Variants in CCDC85A observed in about 807,000 individuals in gnomAD.
CCDC85A encodes coiled-coil domain containing 85A.
Under a neutral mutation model 50.2 loss-of-function variants are expected in CCDC85A, and 38 were observed. The observed-to-expected ratio is 0.76, with a 90% CI of 0.58 to 0.99. CCDC85A has a LOEUF of 0.99. Ranked by LOEUF, CCDC85A falls within the 50% of genes least tolerant of loss-of-function variation. CCDC85A has a pLI of 0.00. For missense variants in CCDC85A, 820 were observed against 742.0 expected (o/e 1.11, Z -1.22); for synonymous variants, 366 against 301.4 (o/e 1.21, Z -2.22).
intron 3 of CCDC85A, among the ~76,000 whole-genome samples, chr2:56,352,164 A>T (rs1450825804): frequency 6.6e-6 from 1 of 152,300 alleles, no homozygotes. Context: ...ATAACGCATT[A>T]GTAATTTAAG....
intron 2 of CCDC85A, among the ~76,000 whole-genome samples, chr2:56,335,216 A>C (rs904750941): frequency 6.6e-5 from 10 of 152,166 alleles, no homozygotes; most frequent in African/African-American, 2.4e-4. Flanking sequence ...GAAGAAGAAA[A>C]ACACTTTGTT....
At chr2:56,298,683 G>A (rs932926232) in intron 2 of CCDC85A, among the ~76,000 whole-genome samples, 1 of 152,144 alleles carries the variant, frequency 6.6e-6, no homozygotes, top group Non-Finnish European at 1.5e-5. Flanking sequence ...CACTTAAAAT[G>A]GTTTGTGATG....
Position 56,192,902 on chromosome 2 carries a change from G to C in CCDC85A, c.702G>C (p.Pro234=). 1 of 1,611,402 alleles carries C rather than the reference G, an allele frequency of 6.2e-7. No homozygotes were observed. The highest frequency in any genetic ancestry group is 8.5e-7 in the Non-Finnish European group (1 of 1,178,214). The stretch of plus-strand genomic sequence containing the variant: ...AGCACCACGCGAGCAGTGGCAGCCC[G>C]GAGCACCTGCAGAAGCCCCGGAGCG... The part of the protein sequence containing the change: ...HHKHHASSGS[P]EHLQKPRSEG... The change falls in exon 2 of 6, where the codon CCG becomes CCC. Residue 234 remains proline, a synonymous_variant. Transcript: ENST00000407595. The surrounding 1 kb of genome is among the most constrained non-coding windows in gnomAD (Gnocchi z 4.7).
chr2:56,372,607 G>A (rs1272586291), intron 4 of CCDC85A, 129 bp downstream of exon 4: 1 of 1,084,262 alleles, frequency 9.2e-7, no homozygotes, highest in Non-Finnish European at 1.2e-6. Context: ...GTATGTCTAA[G>A]TCTGGGGAGG....
intron 2 of CCDC85A, among the ~76,000 whole-genome samples, chr2:56,240,259 C>G (rs998108215): frequency 1.3e-5 from 2 of 152,126 alleles, no homozygotes; most frequent in Non-Finnish European, 2.9e-5. Flanking sequence ...TCACTTCAGC[C>G]TCTGATTCAG....
Position 56,384,397 on chromosome 2 carries a change from G to C in CCDC85A, c.*42G>C. ...AACAGGAGATCACCACTGCCAGAAA[G>C]TGATAGAAGACAAGAAGAAAAAGGA... is the stretch of plus-strand genomic sequence containing the variant. On this transcript the variant is annotated 3_prime_UTR_variant, in exon 6 of 6. Coordinates refer to ENST00000407595, the MANE Select transcript of CCDC85A (RefSeq NM_001080433.2). 6.6e-7 allele frequency: 1 copy of C among 1,517,890 alleles called. No homozygotes were observed. Among genetic ancestry groups the C allele is most frequent in the Non-Finnish European group, 9.0e-7 (1 of 1,108,448 alleles). The allele number at this position is 1,517,890 out of a possible 1,614,324, so 94.0% of individuals were successfully genotyped here. A position where few individuals can be genotyped will look rare whatever the true frequency, so the allele number is the denominator to read the frequency against.
At chr2:56,250,067 A>G (rs970880509) in intron 2 of CCDC85A, among the ~76,000 whole-genome samples, 7 of 152,154 alleles carry the variant, frequency 4.6e-5, no homozygotes, top group Non-Finnish European at 1.0e-4. Flanking sequence ...CTGTGTACTT[A>G]TAGGTTTTGC....
intron 2 of CCDC85A, 98 bp downstream of exon 2, chr2:56,193,538 G>C: frequency 7.4e-7 from 1 of 1,345,362 alleles, no homozygotes; most frequent in East Asian, 2.5e-5. Context: ...AAGTGCAGGC[G>C]CTAGCTAGGG....
chr2:56,348,177 A>G (rs566012289), intron 3 of CCDC85A, among the ~76,000 whole-genome samples: 52 of 152,322 alleles, frequency 3.4e-4, no homozygotes, highest in African/African-American at 1.2e-3. Context: ...AAGTCCTATT[A>G]GGAAATTTGT....
At chr2:56,208,976 A>G (rs1040739303) in intron 2 of CCDC85A, among the ~76,000 whole-genome samples, 7 of 152,204 alleles carry the variant, frequency 4.6e-5, no homozygotes, top group African/African-American at 1.7e-4. Context: ...GGATATCTTC[A>G]TGTATACTGG....
At chr2:56,213,905 A>G (rs534364815) in intron 2 of CCDC85A, among the ~76,000 whole-genome samples, 1 of 151,886 alleles carries the variant, frequency 6.6e-6, no homozygotes, top group Admixed American at 6.6e-5. Flanking sequence ...ATAACCCTGT[A>G]TAGTGAATTG....
intron 2 of CCDC85A, among the ~76,000 whole-genome samples, chr2:56,306,999 T>C (rs939942498): frequency 2.0e-5 from 3 of 152,318 alleles, no homozygotes; most frequent in South Asian, 4.1e-4. Context: ...TTTTGCTTCA[T>C]CCAAAATTTA....
intron 2 of CCDC85A, among the ~76,000 whole-genome samples, chr2:56,234,181 G>A (rs1046063085): frequency 2.6e-5 from 4 of 152,140 alleles, no homozygotes; most frequent in African/African-American, 9.7e-5. Context: ...ATTAGGGAGT[G>A]AAACCATGAG....
intron 1 of CCDC85A, among the ~76,000 whole-genome samples, chr2:56,191,071 T>C (rs1297788668): frequency 6.6e-6 from 1 of 152,234 alleles, no homozygotes; most frequent in Non-Finnish European, 1.5e-5. Flanking sequence ...CTTGCTCTCA[T>C]GCTGGTCTTA....
intron 2 of CCDC85A, among the ~76,000 whole-genome samples, chr2:56,257,358 T>A (rs548544021): frequency 6.6e-6 from 1 of 152,202 alleles, no homozygotes; most frequent in East Asian, 1.9e-4. Context: ...TTAGGAAAAC[T>A]TTCATGAACA....
At chr2:56,265,984 C>G (rs75620244) in intron 2 of CCDC85A, among the ~76,000 whole-genome samples, 7 of 152,152 alleles carry the variant, frequency 4.6e-5, no homozygotes, top group African/African-American at 1.7e-4. Context: ...GAAATTCTGT[C>G]ATTTGCCACA....
intron 2 of CCDC85A, among the ~76,000 whole-genome samples, chr2:56,333,959 G>A (rs1337805000): frequency 6.6e-6 from 1 of 152,082 alleles, no homozygotes; most frequent in Non-Finnish European, 1.5e-5. Flanking sequence ...CCAGAATATG[G>A]GTCTTCCCAG....
intron 3 of CCDC85A, among the ~76,000 whole-genome samples, chr2:56,358,457 C>G (rs187606896): frequency 6.6e-6 from 1 of 152,344 alleles, no homozygotes; most frequent in Non-Finnish European, 1.5e-5. Context: ...ATGTCCCAGA[C>G]TATTCCAATC....
In CCDC85A at chr2:56,192,345, T is replaced by A; in HGVS notation, c.277-132T>A. The A allele has an allele frequency of 7.7e-7, 1 of 1,295,422 alleles. No individual in the cohort carries two copies. Among genetic ancestry groups the A allele is most frequent in the Non-Finnish European group, 1.1e-6 (1 of 946,396 alleles). The allele number at this position is 1,295,422 out of a possible 1,614,324, so 80.2% of individuals were successfully genotyped here. On this transcript the variant is annotated intron_variant, in intron 1 of 5. Coordinates refer to ENST00000407595, the MANE Select transcript of CCDC85A (RefSeq NM_001080433.2). This position sits in a 1 kb window ranked among gnomAD's most constrained non-coding sequence, Gnocchi z 4.7. Reference sequence around the variant, plus strand: ...GGACAGCTACAAATCTTCAGCTTCCTCCTACTCCCTCACCTCCTCCCCTAA... The same window carrying A: ...GGACAGCTACAAATCTTCAGCTTCCACCTACTCCCTCACCTCCTCCCCTAA...
Sources: gnomAD v4.1 joint callset for allele counts (sites outside exome capture counted in the v4.1 genomes callset) on GRCh38, gnomAD v4.1.1 for gene constraint, Gnocchi (gnomAD v3.1) non-coding constraint, MANE v1.5 for transcripts, NCBI Gene and HGNC (gene_info 2026-07-23, HGNC 2026-07-21) for gene names.